Variants in TEAD1 observed in about 807,000 individuals in gnomAD.
The protein encoded by TEAD1 is transcriptional enhancer factor TEF-1.
TEAD1 carries 9 observed loss-of-function variants against 54.9 expected under a neutral mutation model. That is an observed-to-expected ratio of 0.16 (90% CI 0.10 to 0.29). The LOEUF (loss-of-function observed/expected upper bound fraction) is 0.29, where lower values mean the gene tolerates loss of function less well. TEAD1 is among the 10% of genes least tolerant of loss of function. TEAD1 has a pLI of 1.00. For missense variants in TEAD1, 387 were observed against 535.9 expected, an observed-to-expected ratio of 0.72 and a Z score of 2.74; for synonymous variants, 200 against 187.8, an observed-to-expected ratio of 1.07 and a Z score of -0.53.
intron 3 of TEAD1, among the ~76,000 whole-genome samples, chr11:12,775,966 T>TG (rs199806549): frequency 2.7e-4 from 39 of 146,428 alleles, no homozygotes; most frequent in African/African-American, 1.0e-3. Context: ...TGGTGTTTAC[T>TG]GGCGGCGGGG....
chr11:12,802,405 T>C (rs1946077633), intron 3 of TEAD1, among the ~76,000 whole-genome samples: 1 of 152,184 alleles, frequency 6.6e-6, no homozygotes, highest in Non-Finnish European at 1.5e-5. Context: ...AGTTGAATCC[T>C]GAAGAAGGGG....
chr11:12,688,408 C>T (rs1943380203), intron 2 of TEAD1, among the ~76,000 whole-genome samples: 1 of 152,162 alleles, frequency 6.6e-6, no homozygotes, highest in Non-Finnish European at 1.5e-5. Flanking sequence ...CTACCTGTTT[C>T]TGGTGTCTCT....
intron 3 of TEAD1, among the ~76,000 whole-genome samples, chr11:12,833,106 A>G (rs1008854872): frequency 6.6e-6 from 1 of 152,258 alleles, no homozygotes; most frequent in Non-Finnish European, 1.5e-5. Flanking sequence ...TGACAGAATG[A>G]TTCAGGCTTT....
At chr11:12,868,690 A>G (rs967875167) in intron 5 of TEAD1, among the ~76,000 whole-genome samples, 36 of 152,252 alleles carry the variant, frequency 2.4e-4, no homozygotes, top group African/African-American at 8.0e-4. Flanking sequence ...AAAGTCTAAG[A>G]TTTCTACGTA....
chr11:12,819,366 A>G (rs1946482323), intron 3 of TEAD1, among the ~76,000 whole-genome samples: 1 of 151,512 alleles, frequency 6.6e-6, no homozygotes, highest in Non-Finnish European at 1.5e-5. Flanking sequence ...ATAAATATTC[A>G]CTTGGTAACC....
chr11:12,805,892 AT>A (rs1469928467), intron 3 of TEAD1, among the ~76,000 whole-genome samples: 9 of 152,090 alleles, frequency 5.9e-5, no homozygotes, highest in Middle Eastern at 3.4e-3. Flanking sequence ...TGTTTCTTTT[AT>A]TTTTTTCACT....
chr11:12,693,239 C>T (rs1053952113), intron 2 of TEAD1, among the ~76,000 whole-genome samples: 1 of 152,166 alleles, frequency 6.6e-6, no homozygotes, highest in Non-Finnish European at 1.5e-5. Context: ...TGTGTGCATG[C>T]GCACAGTAAA....
intron 3 of TEAD1, among the ~76,000 whole-genome samples, chr11:12,856,860 T>G (rs1228779284): frequency 6.6e-6 from 1 of 152,138 alleles, no homozygotes; most frequent in Non-Finnish European, 1.5e-5. Flanking sequence ...AGAGAAGCAT[T>G]GCATTTGTTG....
At chr11:12,738,744 C>G (rs1478072701) in intron 2 of TEAD1, among the ~76,000 whole-genome samples, 1 of 152,174 alleles carries the variant, frequency 6.6e-6, no homozygotes, top group African/African-American at 2.4e-5. Context: ...TTAAGACAGC[C>G]TGGCATGTGG....
chr11:12,729,093 C>T (rs1279366764), intron 2 of TEAD1, among the ~76,000 whole-genome samples: 1 of 152,202 alleles, frequency 6.6e-6, no homozygotes, highest in Non-Finnish European at 1.5e-5. Context: ...TCAGTGACAT[C>T]TGCTAGAACA....
chr11:12,715,772 A>G lies in TEAD1; in HGVS notation c.-55+40211A>G, dbSNP rs141138634. Among the ~76,000 whole-genome samples, 558 of 152,280 alleles carry G rather than the reference A, an allele frequency of 3.7e-3. 2 individuals are homozygous for G. The highest frequency in any genetic ancestry group is 0.013 in the African/African-American group (531 of 41,536). ...GTGTATGTCCCATGATTCAAATTTC[A>G]GGTAAGCAATATTTGGGAAAAATTT... On this transcript the variant is annotated intron_variant, in intron 2 of 12. Transcript: ENST00000527636.
chr11:12,912,247 G>C (rs1948630294), intron 10 of TEAD1, among the ~76,000 whole-genome samples: 1 of 152,168 alleles, frequency 6.6e-6, no homozygotes, highest in African/African-American at 2.4e-5. Flanking sequence ...GTTCTGATTT[G>C]CAGGCTCAGG....
chr11:12,898,569 A>G (rs1327890202), intron 9 of TEAD1, among the ~76,000 whole-genome samples: 1 of 151,270 alleles, frequency 6.6e-6, no homozygotes, highest in Non-Finnish European at 1.5e-5. Context: ...TAATTTTTGT[A>G]TTTTTAGTAG....
intron 2 of TEAD1, among the ~76,000 whole-genome samples, chr11:12,746,754 C>T (rs1162332247): frequency 6.6e-6 from 1 of 152,224 alleles, no homozygotes; most frequent in Non-Finnish European, 1.5e-5. Context: ...TAACCTGACA[C>T]TGGGCCCAGC....
intron 3 of TEAD1, among the ~76,000 whole-genome samples, chr11:12,861,690 A>G (rs1347710356): frequency 6.6e-6 from 1 of 152,212 alleles, no homozygotes; most frequent in Non-Finnish European, 1.5e-5. Context: ...GGCACATCTT[A>G]AAAAGATAAA....
chr11:12,698,022 CAAAA>C (rs1409217799), intron 2 of TEAD1, among the ~76,000 whole-genome samples: 11 of 61,218 alleles, frequency 1.8e-4, no homozygotes, highest in Non-Finnish European at 2.7e-4. Context: ...AACTCCGTCT[CAAAA>C]AAAAAAAAAA....
intron 2 of TEAD1, among the ~76,000 whole-genome samples, chr11:12,746,696 A>G (rs1265946427): frequency 6.6e-6 from 1 of 151,768 alleles, no homozygotes. Flanking sequence ...TCCCTCCTAC[A>G]CTTGGCCCGC....
In TEAD1 at chr11:12,940,331, C is replaced by G. The variant is rs1028553650; in HGVS notation, c.*3109C>G. On this transcript the variant is annotated 3_prime_UTR_variant, in exon 13 of 13. Transcript: ENST00000527636. Reference sequence around the variant, plus strand: ...ATTTACTAATATCCCTGGCCTCTACCCAGTAGTACCACTAGCACCTATTCC... The same window carrying G: ...ATTTACTAATATCCCTGGCCTCTACGCAGTAGTACCACTAGCACCTATTCC... The G allele has an allele frequency of 4.6e-5, 7 of 152,124 alleles. No homozygotes were observed. The highest frequency in any genetic ancestry group is 8.8e-5 in the Non-Finnish European group (6 of 68,022). The allele number at this position is 152,124 out of a possible 1,614,324, so 9.4% of individuals were successfully genotyped here.
In TEAD1 at chr11:12,940,690, A is replaced by C. The variant is rs1949153877; in HGVS notation, c.*3468A>C. On this transcript the variant is annotated 3_prime_UTR_variant, in exon 13 of 13. Coordinates refer to ENST00000527636, the MANE Select transcript of TEAD1 (RefSeq NM_021961.6). ...CTGTTTAAAGAGTGTTTCTGATTTG[A>C]CCTTCATCCCTTAGTTTACTGGCGT... 2 of 151,992 alleles carry C rather than the reference A, an allele frequency of 1.3e-5. No homozygotes were observed. The highest frequency in any genetic ancestry group is 4.8e-5 in the African/African-American group (2 of 41,368). The allele number at this position is 151,992 out of a possible 1,614,324, so 9.4% of individuals were successfully genotyped here.
Sources: allele counts gnomAD v4.1 joint callset (sites outside exome capture counted in the v4.1 genomes callset), GRCh38; gene constraint gnomAD v4.1.1; transcripts MANE v1.5; gene names NCBI Gene and HGNC (gene_info 2026-07-23, HGNC 2026-07-21).